The following IL27RA variants were observed in gnomAD, a reference collection of about 807,000 sequenced individuals.
IL27RA encodes the protein interleukin 27 receptor subunit alpha, also known as interleukin-27 receptor subunit alpha.
IL27RA carries 61 observed loss-of-function variants against 80.8 expected under a neutral mutation model. That is an observed-to-expected ratio of 0.76 (90% CI 0.61 to 0.93). The LOEUF is 0.93. Ranked by LOEUF, IL27RA falls within the 40% of genes least tolerant of loss-of-function variation. The pLI, the probability that IL27RA is intolerant of heterozygous loss-of-function variation, is 0.00. For missense variants in IL27RA, 735 were observed against 808.1 expected (o/e 0.91, Z 1.10); for synonymous variants, 316 against 332.5 (o/e 0.95, Z 0.54).
chr19:14,032,040 C>A, intron 1 of IL27RA, 68 bp downstream of exon 1: 2 of 1,355,190 alleles, frequency 1.5e-6, no homozygotes, highest in South Asian at 1.2e-5. Flanking sequence ...GCCAGTGCTC[C>A]AGGATAAGCC....
chr19:14,037,111 G>T (rs1975914288), intron 2 of IL27RA, among the ~76,000 whole-genome samples: 1 of 152,094 alleles, frequency 6.6e-6, no homozygotes, highest in Non-Finnish European at 1.5e-5. Flanking sequence ...GGGATTACAG[G>T]CATGAGCCAC....
chr19:14,032,797 C>T (rs1390394898), intron 2 of IL27RA, among the ~76,000 whole-genome samples: 10 of 112,042 alleles, frequency 8.9e-5, no homozygotes, highest in African/African-American at 4.2e-4. Flanking sequence ...CAGAGGGAGA[C>T]TCTGTCTCAA....
chr19:14,035,943 G>C (rs1975890689), intron 2 of IL27RA, among the ~76,000 whole-genome samples: 1 of 151,498 alleles, frequency 6.6e-6, no homozygotes, highest in Non-Finnish European at 1.5e-5. Context: ...ACCATGACCA[G>C]CTAATTTTTA....
chr19:14,047,956 C>A (rs976985854), intron 8 of IL27RA, among the ~76,000 whole-genome samples: 1 of 150,926 alleles, frequency 6.6e-6, no homozygotes, highest in African/African-American at 2.4e-5. Context: ...GCCACCGCAC[C>A]CGGCATTTTT....
intron 4 of IL27RA, among the ~76,000 whole-genome samples, chr19:14,041,421 G>C (rs758950573): frequency 6.6e-6 from 1 of 151,708 alleles, no homozygotes; most frequent in Non-Finnish European, 1.5e-5. Flanking sequence ...GGCTGGTCTC[G>C]AACTCCTGAC....
chr19:14,045,368 T>G (rs1449312983), intron 6 of IL27RA, among the ~76,000 whole-genome samples: 1 of 147,350 alleles, frequency 6.8e-6, no homozygotes, highest in Non-Finnish European at 1.5e-5. Context: ...GACGGGCGGA[T>G]TTTTTTTTTA....
chr19:14,036,414 T>C (rs1349494525), intron 2 of IL27RA, among the ~76,000 whole-genome samples: 1 of 152,096 alleles, frequency 6.6e-6, no homozygotes, highest in African/African-American at 2.4e-5. Context: ...ATGTGGTGTT[T>C]GTCTTTCCGT....
At chr19:14,035,287 G>T (rs1975881596) in intron 2 of IL27RA, among the ~76,000 whole-genome samples, 1 of 152,142 alleles carries the variant, frequency 6.6e-6, no homozygotes, top group African/African-American at 2.4e-5. Flanking sequence ...GTGAGTCACT[G>T]TGCCTGGCCA....
chr19:14,039,065 A>T (rs180738092), intron 2 of IL27RA, among the ~76,000 whole-genome samples: 3 of 151,924 alleles, frequency 2.0e-5, no homozygotes, highest in African/African-American at 7.2e-5. Context: ...TGTGTGCATC[A>T]CTTGAGGTCA....
intron 6 of IL27RA, among the ~76,000 whole-genome samples, chr19:14,045,950 G>A (rs1211634574): frequency 6.6e-6 from 1 of 152,028 alleles, no homozygotes; most frequent in African/African-American, 2.4e-5. Flanking sequence ...GCTTGAACCC[G>A]GGAGGTGAAG....
At chr19:14,051,532 A>G in intron 11 of IL27RA, 75 bp from the exon 12 acceptor site, 1 of 817,442 alleles carries the variant, frequency 1.2e-6, no homozygotes, top group Non-Finnish European at 1.7e-6. Context: ...ACAGGGCAAG[A>G]CTCTGTCTCA....
chr19:14,031,863 G>GAGGGACGCCATGCGGGGAGGC lies in IL27RA; in HGVS notation c.-5_16dup, dbSNP rs1394991958. The GAGGGACGCCATGCGGGGAGGC allele has an allele frequency of 6.3e-7, 1 of 1,587,018 alleles. No individual in the cohort carries two copies. Among genetic ancestry groups the GAGGGACGCCATGCGGGGAGGC allele is most frequent in the Admixed American group, 1.8e-5 (1 of 56,544 alleles). On this transcript the variant is annotated 5_prime_UTR_variant, in exon 1 of 14. It adds an upstream start codon to the 5' untranslated region. Transcript: ENST00000263379. ...AGGCTGGGCCGGACTCGGGGCTCCC[G>GAGGGACGCCATGCGGGGAGGC]AGGGACGCCATGCGGGGAGGCAGGG...
At chr19:14,047,228 T>TA (rs1207004912) in intron 8 of IL27RA, among the ~76,000 whole-genome samples, 1 of 150,204 alleles carries the variant, frequency 6.7e-6, no homozygotes, top group Non-Finnish European at 1.5e-5. Context: ...TTTTTTTTTT[T>TA]AAGTAGAGAC....
chr19:14,047,099 A>G (rs1234014215), intron 8 of IL27RA, among the ~76,000 whole-genome samples: 1 of 151,388 alleles, frequency 6.6e-6, no homozygotes, highest in Non-Finnish European at 1.5e-5. Context: ...GCTAGAGTGC[A>G]ATGGTGCCAT....
intron 2 of IL27RA, among the ~76,000 whole-genome samples, chr19:14,038,623 G>A (rs1599298239): frequency 6.6e-6 from 1 of 150,466 alleles, no homozygotes; most frequent in South Asian, 2.1e-4. Context: ...AGTGGCTCAC[G>A]CCTGTAATTC....
At chr19:14,036,610 TC>T (rs1382751351) in intron 2 of IL27RA, among the ~76,000 whole-genome samples, 1 of 149,202 alleles carries the variant, frequency 6.7e-6, no homozygotes, top group African/African-American at 2.5e-5. Context: ...TGCCTCAGCC[TC>T]CCGAGTAGCT....
In IL27RA at chr19:14,052,164, G is replaced by T; in HGVS notation, c.1785G>T (p.Pro595=). 6.2e-7 allele frequency: 1 copy of T among 1,613,330 alleles called. No individual in the cohort carries two copies. Among genetic ancestry groups the T allele is most frequent in the Admixed American group, 1.7e-5 (1 of 59,910 alleles). ...ILEVEEMEPP[P]VMESSQPAQA... ...AAGTGGAGGAGATGGAGCCCCCGCC[G>T]GTTATGGAGTCCTCCCAGCCCGCCC... The change falls in exon 14 of 14, where the codon CCG becomes CCT. Residue 595 remains proline (P), a synonymous_variant. Coordinates refer to ENST00000263379, the MANE Select transcript of IL27RA (RefSeq NM_004843.4).
At chr19:14,052,004 TCTGGGGGA>T (rs778720781) in intron 13 of IL27RA, 31 bp downstream of exon 13, 3 of 1,570,700 alleles carry the variant, frequency 1.9e-6, no homozygotes, top group Non-Finnish European at 2.6e-6. Flanking sequence ...GTCGGAGCCC[TCTGGGGGA>T]CTGGGGAGTC....
chr19:14,036,524 T>C (rs1975901985), intron 2 of IL27RA, among the ~76,000 whole-genome samples: 1 of 149,912 alleles, frequency 6.7e-6, no homozygotes, highest in African/African-American at 2.5e-5. Context: ...AATCTGGCTC[T>C]GTCACCCAGG....
Sources: allele counts gnomAD v4.1 joint callset (sites outside exome capture counted in the v4.1 genomes callset), GRCh38; gene constraint gnomAD v4.1.1; transcripts MANE v1.5; gene names NCBI Gene and HGNC (gene_info 2026-07-23, HGNC 2026-07-21).